The following KCNH3 variants were observed in gnomAD, a reference collection of about 807,000 sequenced individuals.
KCNH3 encodes potassium voltage-gated channel subfamily H member 3.
A neutral mutation model predicts 95.6 loss-of-function variants in KCNH3; 36 were observed. The observed-to-expected ratio is 0.38, with a 90% CI of 0.29 to 0.50. The LOEUF (loss-of-function observed/expected upper bound fraction) is 0.50. Ranked by LOEUF, KCNH3 falls within the 20% of genes least tolerant of loss-of-function variation. The probability of loss-of-function intolerance (pLI) is 0.95; values close to 1 mark genes in which losing one functional copy is unlikely to be tolerated. For missense variants in KCNH3, 1,030 were observed against 1,484.1 expected (o/e 0.69, Z 5.03); for synonymous variants, 620 against 646.3 (o/e 0.96, Z 0.62).
At chr12:49,548,419 T>C (rs1240323705) in intron 7 of KCNH3, among the ~76,000 whole-genome samples, 1 of 151,676 alleles carries the variant, frequency 6.6e-6, no homozygotes, top group African/African-American at 2.4e-5. Flanking sequence ...TTTGTGTGGC[T>C]GTGGGGATGG....
intron 5 of KCNH3, 129 bp from the exon 6 acceptor site, chr12:49,543,786 T>C (rs1937955319): frequency 8.0e-6 from 10 of 1,256,328 alleles, no homozygotes; most frequent in Non-Finnish European, 1.1e-5. Context: ...TTACAGTTAC[T>C]GTGAGAACTA....
intron 7 of KCNH3, among the ~76,000 whole-genome samples, chr12:49,548,648 C>T (rs956920379): frequency 4.6e-5 from 7 of 152,146 alleles, no homozygotes; most frequent in African/African-American, 1.7e-4. Flanking sequence ...GGGATGGGTG[C>T]CAGCCATGGG....
At position 49,550,339 on chromosome 12, in the gene KCNH3, G is replaced by T; in HGVS notation, c.1918+10G>T. On this transcript the variant is annotated intron_variant, in intron 10 of 14. Coordinates refer to ENST00000257981, the MANE Select transcript of KCNH3 (RefSeq NM_012284.3). Reference sequence around the variant, plus strand: ...GTGCTCGCCATCCTAGGTTTGTGAGGGTGGGAGAGAGGGCGTGGGGGCACG... The same window carrying T: ...GTGCTCGCCATCCTAGGTTTGTGAGTGTGGGAGAGAGGGCGTGGGGGCACG... 6.3e-7 allele frequency: 1 copy of T among 1,592,836 alleles called. No homozygotes were observed. Among genetic ancestry groups the T allele is most frequent in the Non-Finnish European group, 8.6e-7 (1 of 1,169,364 alleles).
At chr12:49,549,845 G>C (rs1425064651) in intron 9 of KCNH3, among the ~76,000 whole-genome samples, 1 of 152,230 alleles carries the variant, frequency 6.6e-6, no homozygotes, top group Non-Finnish European at 1.5e-5. Flanking sequence ...TGGGGGCTTG[G>C]TACTCACTGA....
At chr12:49,550,043 T>TTGGCCCCC in intron 9 of KCNH3, 37 bp from the exon 10 acceptor site, 3 of 1,299,542 alleles carry the variant, frequency 2.3e-6, no homozygotes, top group Non-Finnish European at 3.2e-6. Flanking sequence ...CTTCTGCCAC[T>TTGGCCCCC]CCCAACCCCC....
chr12:49,543,536 C>T lies in KCNH3; in HGVS notation c.823+18C>T, dbSNP rs200705841. The T allele has an allele frequency of 2.0e-4, 314 of 1,583,152 alleles. 2 individuals are homozygous for T. The Middle Eastern group carries it at 5.0e-3, about 25-fold the overall frequency. The stretch of plus-strand genomic sequence containing the variant: ...CATCCTTGGTGCGTGCACTCTGCCC[C>T]TTCCGCCCCACCCTTTGCTGGCGCC... On this transcript the variant is annotated intron_variant, in intron 5 of 14. Coordinates refer to ENST00000257981, the MANE Select transcript of KCNH3 (RefSeq NM_012284.3).
chr12:49,542,540 A>G (rs1179084025), intron 3 of KCNH3, among the ~76,000 whole-genome samples, 166 bp from the exon 4 acceptor site: 12 of 152,246 alleles, frequency 7.9e-5, no homozygotes, highest in African/African-American at 2.9e-4. Flanking sequence ...GGGCTGGGCA[A>G]GTGAACCCAG....
chr12:49,555,264 C>G (rs553016985), intron 11 of KCNH3, among the ~76,000 whole-genome samples: 6 of 147,720 alleles, frequency 4.1e-5, no homozygotes, highest in African/African-American at 1.5e-4. Context: ...CACGGTGAAA[C>G]GCCGTCTCTA....
intron 10 of KCNH3, 89 bp from the exon 11 acceptor site, chr12:49,554,248 T>C: frequency 1.9e-6 from 2 of 1,045,494 alleles, no homozygotes; most frequent in East Asian, 2.4e-5. Flanking sequence ...AGCCCAGCTC[T>C]GAAGGGAATC....
At chr12:49,550,043 T>TTCCCCCCCC in intron 9 of KCNH3, 37 bp from the exon 10 acceptor site, 7 of 1,299,540 alleles carry the variant, frequency 5.4e-6, no homozygotes, top group South Asian at 1.3e-5. Flanking sequence ...CTTCTGCCAC[T>TTCCCCCCCC]CCCAACCCCC....
chr12:49,553,609 A>T (rs1938335155), intron 10 of KCNH3, among the ~76,000 whole-genome samples: 1 of 152,118 alleles, frequency 6.6e-6, no homozygotes, highest in African/African-American at 2.4e-5. Flanking sequence ...CACCCTACCC[A>T]ATCTAACATC....
intron 7 of KCNH3, among the ~76,000 whole-genome samples, chr12:49,546,518 C>G (rs1416313632): frequency 6.6e-6 from 1 of 152,172 alleles, no homozygotes; most frequent in Non-Finnish European, 1.5e-5. Context: ...GCCTGGGTTT[C>G]CTTTTCCACT....
In KCNH3 at chr12:49,539,634, C is replaced by G; in HGVS notation, c.76+142C>G. 1.4e-6 allele frequency: 1 copy of G among 690,646 alleles called. No homozygotes were observed. The allele number at this position is 690,646 out of a possible 1,614,324, so 42.8% of individuals were successfully genotyped here. ...CTACCCGCCCCTCTTGAGGCTGGGG[C>G]CATCGTCTCCTGCTAGGCGCTGTTT... On this transcript the variant is annotated intron_variant, in intron 1 of 14. Coordinates refer to ENST00000257981, the MANE Select transcript of KCNH3 (RefSeq NM_012284.3). The surrounding 1 kb of genome is among the most constrained non-coding windows in gnomAD (Gnocchi z 6.7).
At chr12:49,544,141 T>TACCAACCAAA in intron 6 of KCNH3, 34 bp from the exon 7 acceptor site, 4 of 1,413,362 alleles carry the variant, frequency 2.8e-6, no homozygotes, top group Admixed American at 1.8e-5. Context: ...CCCGCTGACC[T>TACCAACCAAA]CCCTCCCTCC....
intron 10 of KCNH3, among the ~76,000 whole-genome samples, chr12:49,553,969 T>C (rs1169190748): frequency 1.3e-5 from 2 of 152,234 alleles, no homozygotes; most frequent in Non-Finnish European, 2.9e-5. Flanking sequence ...AGATAGGGCC[T>C]GGGTGTTTGT....
chr12:49,541,888 GC>G, intron 3 of KCNH3, 124 bp downstream of exon 3: 2 of 967,102 alleles, frequency 2.1e-6, no homozygotes, highest in Non-Finnish European at 3.1e-6. Flanking sequence ...CACTCAGGCT[GC>G]CTGAGAGGCC....
intron 5 of KCNH3, 195 bp downstream of exon 5, chr12:49,543,713 C>T: frequency 1.0e-6 from 1 of 999,996 alleles, no homozygotes; most frequent in African/African-American, 1.6e-5. Context: ...CTGGTCAAAG[C>T]CTCTCTGAGC....
In KCNH3 at chr12:49,549,473, A is replaced by T. The variant is rs1179289940; in HGVS notation, c.1501A>T (p.Thr501Ser). ...LMHAVVFGNVTAIIQRMYARR... is the reference protein window; with the variant it reads ...LMHAVVFGNVSAIIQRMYARR... ...GCACGCGGTGGTGTTTGGGAACGTG[A>T]CGGCCATCATCCAGCGCATGTACGC... Residue 501 changes from threonine (T) to serine (S), a missense_variant, in exon 9 of 15, where the codon ACG becomes TCG. Thr to Ser is a moderately conservative substitution (Grantham distance 58). Transcript: ENST00000257981. The T allele has an allele frequency of 1.9e-6, 3 of 1,613,342 alleles. No individual in the cohort carries two copies. The highest frequency in any genetic ancestry group is 2.5e-6 in the Non-Finnish European group (3 of 1,180,008).
chr12:49,555,181 C>T (rs1329181410), intron 11 of KCNH3, among the ~76,000 whole-genome samples: 1 of 151,604 alleles, frequency 6.6e-6, no homozygotes, highest in Non-Finnish European at 1.5e-5. Flanking sequence ...TGGCCCACGC[C>T]TGTAATCCCA....
Sources: gnomAD v4.1 joint callset for allele counts (sites outside exome capture counted in the v4.1 genomes callset) on GRCh38, gnomAD v4.1.1 for gene constraint, Gnocchi (gnomAD v3.1) non-coding constraint, MANE v1.5 for transcripts, NCBI Gene and HGNC (gene_info 2026-07-23, HGNC 2026-07-21) for gene names.